Variants in FER observed in about 807,000 individuals in gnomAD.
FER encodes FER tyrosine kinase.
Under a neutral mutation model 111.0 loss-of-function variants are expected in FER, and 63 were observed. The ratio of observed to expected loss-of-function variants is 0.57; its 90% CI spans 0.46 to 0.70. The LOEUF is 0.70. Among genes scored for constraint, FER ranks in the 30% least tolerant of loss-of-function variants. FER has a pLI of 0.00. For synonymous variants in FER, 327 were observed against 313.9 expected, an observed-to-expected ratio of 1.04 and a Z score of -0.44; for missense variants, 914 against 954.0, an observed-to-expected ratio of 0.96 and a Z score of 0.55.
intron 5 of FER, among the ~76,000 whole-genome samples, chr5:108,845,381 C>T (rs2150171359): frequency 6.6e-6 from 1 of 151,796 alleles, no homozygotes; most frequent in East Asian, 2.0e-4. Flanking sequence ...TGGGGTTTCA[C>T]CATGTTGGTC....
At chr5:108,989,638 ATT>A (rs1372540209) in intron 13 of FER, among the ~76,000 whole-genome samples, 1 of 151,714 alleles carries the variant, frequency 6.6e-6, no homozygotes, top group Non-Finnish European at 1.5e-5. Context: ...TTTTTTCTTT[ATT>A]TGATTACATT....
intron 16 of FER, among the ~76,000 whole-genome samples, chr5:109,080,362 A>G (rs975522065): frequency 2.0e-5 from 3 of 152,172 alleles, no homozygotes; most frequent in African/African-American, 7.2e-5. Flanking sequence ...GGAATACTCC[A>G]TGTGAGTGAA....
In FER at chr5:109,195,571, G is replaced by A. The variant is rs1759682791; in HGVS notation, c.*7996G>A. The A allele has an allele frequency of 6.6e-6, 1 of 152,092 alleles. No homozygotes were observed. The highest frequency in any genetic ancestry group is 1.5e-5 in the Non-Finnish European group (1 of 68,028). 9.4% of individuals were successfully genotyped at this position (152,092 alleles called of 1,614,324 possible). ...ATCAAATCAAAATCACAGACAAAGGGGAACTGGTCGAGAGGGGTCTTAGTT... is the reference window on the plus strand; with the variant it reads ...ATCAAATCAAAATCACAGACAAAGGAGAACTGGTCGAGAGGGGTCTTAGTT... On this transcript the variant is annotated 3_prime_UTR_variant, in exon 20 of 20. Coordinates refer to ENST00000281092, the MANE Select transcript of FER (RefSeq NM_005246.4).
At chr5:109,060,162 G>A (rs1661469203) in intron 16 of FER, among the ~76,000 whole-genome samples, 1 of 152,174 alleles carries the variant, frequency 6.6e-6, no homozygotes, top group African/African-American at 2.4e-5. Context: ...CTGGGGTGTA[G>A]ATGGGGATAG....
intron 13 of FER, among the ~76,000 whole-genome samples, chr5:109,010,283 C>G (rs1766075044): frequency 1.3e-5 from 2 of 152,106 alleles, no homozygotes; most frequent in Non-Finnish European, 1.5e-5. Flanking sequence ...TCAGCCTCCC[C>G]AGTAGCTGAG....
chr5:109,179,626 T>A (rs533553448), intron 17 of FER, among the ~76,000 whole-genome samples: 31 of 152,282 alleles, frequency 2.0e-4, no homozygotes, highest in African/African-American at 5.1e-4. Context: ...ATTTTTTTTT[T>A]AAAATGGATA....
chr5:109,042,453 C>T (rs1268178218), intron 14 of FER, among the ~76,000 whole-genome samples: 2 of 152,286 alleles, frequency 1.3e-5, no homozygotes, highest in East Asian at 3.9e-4. Context: ...TTCCTCCTCA[C>T]CTCTTTGGAT....
chr5:109,079,487 A>G (rs565614366), intron 16 of FER, among the ~76,000 whole-genome samples: 2 of 152,260 alleles, frequency 1.3e-5, no homozygotes, highest in South Asian at 2.1e-4. Flanking sequence ...TTATGGTGCC[A>G]TATTAGACCA....
intron 5 of FER, among the ~76,000 whole-genome samples, chr5:108,859,663 A>G (rs1469250209): frequency 1.3e-5 from 2 of 152,190 alleles, no homozygotes; most frequent in East Asian, 3.8e-4. Context: ...TGGACATGGT[A>G]CATCATTCAC....
intron 17 of FER, among the ~76,000 whole-genome samples, chr5:109,172,487 G>A (rs1349160576): frequency 1.3e-5 from 1 of 76,144 alleles, no homozygotes; most frequent in Non-Finnish European, 2.6e-5. Flanking sequence ...ACTGTTGTGG[G>A]GTGGGGGGAG....
chr5:108,774,205 A>T (rs62361336), intron 2 of FER, among the ~76,000 whole-genome samples: 36,419 of 151,944 alleles, frequency 0.24, 4,586 homozygotes, highest in African/African-American at 0.32. Context: ...TTGCAGCTTC[A>T]TCCATGTCCC....
intron 13 of FER, among the ~76,000 whole-genome samples, chr5:109,030,917 A>G (rs1431119406): frequency 6.6e-6 from 1 of 152,006 alleles, no homozygotes; most frequent in Admixed American, 6.6e-5. Context: ...GGGAAGTGAG[A>G]TAACAGGCCC....
intron 17 of FER, among the ~76,000 whole-genome samples, chr5:109,178,878 T>C (rs1055521583): frequency 5.3e-5 from 8 of 152,234 alleles, no homozygotes; most frequent in African/African-American, 1.9e-4. Flanking sequence ...ATTAAATCTA[T>C]ACATTAATTT....
At chr5:108,819,674 T>G in intron 3 of FER, 1 of 459,424 alleles carries the variant, frequency 2.2e-6, no homozygotes, top group South Asian at 9.3e-5. Context: ...AAAGTTAGCT[T>G]TAATAGGAGT....
chr5:108,895,796 G>A (rs905103625), intron 9 of FER, among the ~76,000 whole-genome samples: 12 of 152,142 alleles, frequency 7.9e-5, no homozygotes, highest in African/African-American at 2.9e-4. Flanking sequence ...AGGTTTAAGA[G>A]AGTAAAATGT....
At chr5:109,147,745 A>G (rs1754376789) in intron 17 of FER, among the ~76,000 whole-genome samples, 1 of 150,654 alleles carries the variant, frequency 6.6e-6, no homozygotes, top group African/African-American at 2.4e-5. Flanking sequence ...GCAAACATGT[A>G]TGTTCTATAC....
At chr5:108,943,341 G>C (rs1292933647) in intron 10 of FER, among the ~76,000 whole-genome samples, 2 of 152,100 alleles carry the variant, frequency 1.3e-5, no homozygotes, top group Non-Finnish European at 2.9e-5. Context: ...TGAGAGCCAG[G>C]GTAGTTGAGT....
Position 108,867,912 on chromosome 5 carries a change from C to T in FER, c.627C>T (p.Asp209=). Reference sequence around the variant, plus strand: ...ATATCACACTTCCCCTGCTTCTGGACTCCTTACAAAAGATGCAAGAAGAAA... The same window carrying T: ...ATATCACACTTCCCCTGCTTCTGGATTCCTTACAAAAGATGCAAGAAGAAA... ...YYDITLPLLL[D]SLQKMQEEMI... The change falls in exon 6 of 20, where the codon GAC becomes GAT. Residue 209 remains aspartate, a synonymous_variant. Transcript: ENST00000281092. 6.2e-7 allele frequency: 1 copy of T among 1,611,918 alleles called. No homozygotes were observed. Among genetic ancestry groups the T allele is most frequent in the Non-Finnish European group, 8.5e-7 (1 of 1,179,150 alleles).
chr5:108,967,674 C>T (rs550613402), intron 13 of FER, among the ~76,000 whole-genome samples: 7 of 146,728 alleles, frequency 4.8e-5, no homozygotes, highest in Non-Finnish European at 7.4e-5. Context: ...GCAGGAGAAT[C>T]GCTTGAACCC....
Sources: allele counts gnomAD v4.1 joint callset (sites outside exome capture counted in the v4.1 genomes callset), GRCh38; gene constraint gnomAD v4.1.1; transcripts MANE v1.5; gene names NCBI Gene and HGNC (gene_info 2026-07-23, HGNC 2026-07-21).